The following KATNAL1 variants were observed in gnomAD, a reference collection of about 807,000 sequenced individuals.
The protein encoded by KATNAL1 is katanin catalytic subunit A1 like 1, also known as katanin p60 ATPase-containing subunit A-like 1.
In KATNAL1, 32 loss-of-function variants were observed where a neutral mutation model predicts 55.2. That is an observed-to-expected ratio of 0.58 (90% CI 0.44 to 0.78). The LOEUF is 0.78. Among genes scored for constraint, KATNAL1 ranks in the 30% least tolerant of loss-of-function variants. KATNAL1 has a pLI of 0.00. For missense variants in KATNAL1, 466 were observed against 600.9 expected (o/e 0.78, Z 2.35); for synonymous variants, 193 against 193.6 (o/e 1.00, Z 0.02).
chr13:30,288,415 T>C (rs187931093), intron 1 of KATNAL1, among the ~76,000 whole-genome samples: 363 of 152,312 alleles, frequency 2.4e-3, no homozygotes, highest in Non-Finnish European at 3.7e-3. Context: ...GAAACTGTAG[T>C]TTGAACTCAG....
At chr13:30,283,401 T>C (rs1299422682) in intron 2 of KATNAL1, among the ~76,000 whole-genome samples, 1 of 152,040 alleles carries the variant, frequency 6.6e-6, no homozygotes, top group Non-Finnish European at 1.5e-5. Context: ...ATTAAATATT[T>C]TCAAAACATC....
intron 4 of KATNAL1, among the ~76,000 whole-genome samples, chr13:30,250,098 T>G (rs1878161642): frequency 6.6e-6 from 1 of 152,162 alleles, no homozygotes; most frequent in Admixed American, 6.5e-5. Flanking sequence ...CCCAAACTCA[T>G]CTCAACTATG....
At chr13:30,264,138 T>C (rs1879545158) in intron 3 of KATNAL1, among the ~76,000 whole-genome samples, 1 of 151,618 alleles carries the variant, frequency 6.6e-6, no homozygotes, top group African/African-American at 2.4e-5. Context: ...GGATTCCCTA[T>C]TTAATAAATG....
intron 4 of KATNAL1, among the ~76,000 whole-genome samples, chr13:30,254,027 C>G (rs1259764911): frequency 6.6e-6 from 1 of 152,116 alleles, no homozygotes; most frequent in Non-Finnish European, 1.5e-5. Context: ...TCACTTTGAA[C>G]GGTGCCCAGC....
rs1250021862 is a variant in KATNAL1 at position 30,274,894 on chromosome 13, C to CGCGCGT, written c.323+5168_323+5169insACGCGC. Among the ~76,000 whole-genome samples, 19 of 93,292 alleles carry CGCGCGT rather than the reference C, an allele frequency of 2.0e-4. 1 individual carries two copies. Among genetic ancestry groups the CGCGCGT allele is most frequent in the African/African-American group, 7.3e-4 (14 of 19,310 alleles). The allele number at this position is 93,292 out of a possible 152,430, so 61.2% of individuals were successfully genotyped here. ...GGCGGGGTGTGTGCACACACATACG[C>CGCGCGT]GCGCGCGCGCGCGCACACACACACA... On this transcript the variant is annotated intron_variant, in intron 3 of 10. Transcript: ENST00000380615.
intron 6 of KATNAL1, among the ~76,000 whole-genome samples, chr13:30,237,277 G>A (rs1354726499): frequency 6.6e-6 from 1 of 152,130 alleles, no homozygotes; most frequent in African/African-American, 2.4e-5. Flanking sequence ...ACTAGGCCCT[G>A]AGGAAAAAAA....
intron 9 of KATNAL1, among the ~76,000 whole-genome samples, chr13:30,213,294 CAA>C (rs1873875992): frequency 6.6e-6 from 1 of 152,062 alleles, no homozygotes; most frequent in South Asian, 2.1e-4. Flanking sequence ...GCTTACCAAC[CAA>C]AAAGAGTCCA....
chr13:30,227,522 T>C lies in KATNAL1; in HGVS notation c.1037A>G (p.Asp346Gly). The C allele has an allele frequency of 6.2e-7, 1 of 1,613,912 alleles. No homozygotes were observed. The highest frequency in any genetic ancestry group is 8.5e-7 in the Non-Finnish European group (1 of 1,179,846). Residue 346 changes from aspartate to glycine, a missense_variant, in exon 9 of 11, where the codon GAT becomes GGT. Transcript: ENST00000380615. ...MDGVGGALEN[D>G]DPSKMVMVLA... is the part of the protein sequence containing the mutation. ...TACCATAACCATTTTGGAAGGATCATCATTTTCTAAAGCTCCTCCAACTCC... is the reference window on the plus strand; with the variant it reads ...TACCATAACCATTTTGGAAGGATCACCATTTTCTAAAGCTCCTCCAACTCC...
intron 3 of KATNAL1, among the ~76,000 whole-genome samples, chr13:30,272,890 C>G (rs1880488583): frequency 6.6e-6 from 1 of 152,202 alleles, no homozygotes; most frequent in Non-Finnish European, 1.5e-5. Flanking sequence ...CTCAGATAGT[C>G]TTGCTTACAT....
At chr13:30,274,694 C>T (rs575968021) in intron 3 of KATNAL1, among the ~76,000 whole-genome samples, 4 of 152,230 alleles carry the variant, frequency 2.6e-5, no homozygotes, top group African/African-American at 9.6e-5. Context: ...ATAGAACTAC[C>T]TTATGATCCA....
chr13:30,237,129 C>T (rs923720928), intron 6 of KATNAL1, among the ~76,000 whole-genome samples: 2 of 152,198 alleles, frequency 1.3e-5, no homozygotes, highest in African/African-American at 4.8e-5. Flanking sequence ...TGCTTAATCA[C>T]CCAAAGACCA....
At chr13:30,261,893 A>G (rs989645033) in intron 3 of KATNAL1, among the ~76,000 whole-genome samples, 3 of 151,864 alleles carry the variant, frequency 2.0e-5, no homozygotes, top group African/African-American at 7.2e-5. Context: ...AGAACTCTCC[A>G]CCCCAAATCA....
intron 1 of KATNAL1, 142 bp downstream of exon 1, chr13:30,307,189 C>T (rs1024386878): frequency 7.2e-5 from 11 of 152,428 alleles, no homozygotes; most frequent in African/African-American, 2.7e-4. Context: ...CCCTCCCCGT[C>T]CCCGCACGGG....
chr13:30,299,656 T>C lies in KATNAL1; in HGVS notation c.-15+7675A>G, dbSNP rs532877610. ...CAAAATATTTTAGCAATGTCTAATA[T>C]TTGACAATGTCTCTTATTTTGAGAT... On this transcript the variant is annotated intron_variant, in intron 1 of 10. Transcript: ENST00000380615. Among the ~76,000 whole-genome samples, 3 of 152,326 alleles carry C rather than the reference T, an allele frequency of 2.0e-5. No individual in the cohort carries two copies. In the East Asian group the frequency reaches 5.8e-4, roughly 29 times the overall value.
chr13:30,296,941 C>T (rs1231895397), intron 1 of KATNAL1, among the ~76,000 whole-genome samples: 1 of 151,830 alleles, frequency 6.6e-6, no homozygotes, highest in Non-Finnish European at 1.5e-5. Flanking sequence ...CTCCCGAGCC[C>T]GCCCAGCAGC....
chr13:30,297,120 G>A (rs1368488204), intron 1 of KATNAL1, among the ~76,000 whole-genome samples: 4 of 150,830 alleles, frequency 2.7e-5, no homozygotes, highest in Non-Finnish European at 5.9e-5. Context: ...TCCAGCCTGG[G>A]TGACAGAGTG....
intron 3 of KATNAL1, among the ~76,000 whole-genome samples, chr13:30,275,302 C>A (rs1285602109): frequency 6.6e-6 from 1 of 152,100 alleles, no homozygotes; most frequent in African/African-American, 2.4e-5. Context: ...GGCAGTGCTG[C>A]ACTCTTGTAA....
chr13:30,225,566 G>T (rs539438305), intron 9 of KATNAL1, among the ~76,000 whole-genome samples: 3 of 151,660 alleles, frequency 2.0e-5, no homozygotes, highest in South Asian at 2.1e-4. Flanking sequence ...TGAAGGTGCC[G>T]AAGTAATTCA....
intron 4 of KATNAL1, among the ~76,000 whole-genome samples, chr13:30,245,339 G>A (rs918197237): frequency 2.6e-5 from 4 of 152,044 alleles, no homozygotes; most frequent in Non-Finnish European, 4.4e-5. Flanking sequence ...AAAGGCCTTC[G>A]ATAAAATTCA....
Sources: gnomAD v4.1 joint callset for allele counts (sites outside exome capture counted in the v4.1 genomes callset) on GRCh38, gnomAD v4.1.1 for gene constraint, MANE v1.5 for transcripts, NCBI Gene and HGNC (gene_info 2026-07-23, HGNC 2026-07-21) for gene names.